AGMO: variants seen among roughly 807,000 people sequenced by gnomAD.
AGMO encodes the protein alkylglycerol monooxygenase.
In AGMO, 75 loss-of-function variants were observed where a neutral mutation model predicts 60.2. That is an observed-to-expected ratio of 1.25 (90% confidence interval 1.03 to 1.51). AGMO has a LOEUF of 1.51. Among genes scored for constraint, AGMO ranks in the 40% most tolerant of loss-of-function variants. The pLI is 0.00. For missense variants in AGMO, 763 were observed against 525.5 expected, an observed-to-expected ratio of 1.45 and a Z score of -4.42; for synonymous variants, 261 against 177.1, an observed-to-expected ratio of 1.47 and a Z score of -3.76.
At chr7:15,400,942 C>G (rs937795531) in intron 5 of AGMO, among the ~76,000 whole-genome samples, 17 of 152,016 alleles carry the variant, frequency 1.1e-4, no homozygotes, top group African/African-American at 4.1e-4. Flanking sequence ...TCCGCCCTAT[C>G]CTGCACTTAC....
At chr7:15,228,893 G>C (rs1191791496) in intron 12 of AGMO, among the ~76,000 whole-genome samples, 1 of 152,092 alleles carries the variant, frequency 6.6e-6, no homozygotes, top group African/African-American at 2.4e-5. Context: ...TATTTACGCA[G>C]TGGTCCAATC....
At chr7:15,120,160 T>C in the AGMO span, among the ~76,000 whole-genome samples, 2 of 152,086 alleles carry the variant, frequency 1.3e-5, no homozygotes, top group South Asian at 4.1e-4. Context: ...TCAATTTTTT[T>C]TAGATCTTTC....
chr7:15,367,371 C>T (rs1448017143), intron 10 of AGMO, among the ~76,000 whole-genome samples: 2 of 151,910 alleles, frequency 1.3e-5, no homozygotes, highest in Non-Finnish European at 2.9e-5. Flanking sequence ...TACTATTTTA[C>T]AGCTTCTATG....
intron 4 of AGMO, among the ~76,000 whole-genome samples, chr7:15,424,682 T>C (rs4431490): frequency 0.29 from 43,418 of 152,118 alleles, 7,070 homozygotes; most frequent in Non-Finnish European, 0.37. Flanking sequence ...TTAATGGACA[T>C]AAACTTTGTC....
intron 2 of AGMO, 136 bp from the exon 3 acceptor site, chr7:15,545,059 A>T: frequency 1.7e-6 from 1 of 578,576 alleles, no homozygotes; most frequent in Non-Finnish European, 2.6e-6. Context: ...TGTGTCTTCT[A>T]TGTCATTCCT....
intron 4 of AGMO, among the ~76,000 whole-genome samples, chr7:15,427,245 G>A (rs930884444): frequency 6.6e-5 from 10 of 152,102 alleles, no homozygotes; most frequent in Non-Finnish European, 1.3e-4. Flanking sequence ...CTGAGTATAA[G>A]CACGTACACA....
chr7:15,376,996 T>C (rs1783484400), intron 10 of AGMO, among the ~76,000 whole-genome samples: 1 of 152,142 alleles, frequency 6.6e-6, no homozygotes, highest in Non-Finnish European at 1.5e-5. Context: ...AGTAAGTATT[T>C]ATCTTCTCTA....
At chr7:15,138,427 T>C in the AGMO span, among the ~76,000 whole-genome samples, 4 of 152,320 alleles carry the variant, frequency 2.6e-5, no homozygotes, top group African/African-American at 9.6e-5. Flanking sequence ...TAAATCATAA[T>C]CCCGACATCC....
chr7:15,541,285 C>A (rs1784624178), intron 3 of AGMO, among the ~76,000 whole-genome samples: 1 of 151,926 alleles, frequency 6.6e-6, no homozygotes, highest in Admixed American at 6.6e-5. Flanking sequence ...ACCACACCTG[C>A]TAATTTTTGT....
chr7:15,198,162 G>A (rs1302152620), downstream of AGMO, among the ~76,000 whole-genome samples: 1 of 149,712 alleles, frequency 6.7e-6, no homozygotes, highest in Middle Eastern at 3.2e-3. Context: ...TAGAAGTGGT[G>A]AGTAATTGAC....
At chr7:15,394,511 T>C (rs1784291684) in intron 5 of AGMO, among the ~76,000 whole-genome samples, 1 of 152,176 alleles carries the variant, frequency 6.6e-6, no homozygotes, top group Non-Finnish European at 1.5e-5. Flanking sequence ...ATCTTTAAAA[T>C]GGAAATAGTA....
At chr7:15,375,271 C>T (rs191552579) in intron 10 of AGMO, among the ~76,000 whole-genome samples, 1 of 151,752 alleles carries the variant, frequency 6.6e-6, no homozygotes, top group South Asian at 2.1e-4. Flanking sequence ...TATTTTCTTA[C>T]TAAGAAACAA....
intron 5 of AGMO, among the ~76,000 whole-genome samples, chr7:15,402,352 C>T (rs1784572819): frequency 6.6e-6 from 1 of 150,436 alleles, no homozygotes. Context: ...TTTATTCTTT[C>T]ATCTATCTAT....
intron 12 of AGMO, among the ~76,000 whole-genome samples, chr7:15,327,947 T>A (rs78919562): frequency 0.014 from 2,034 of 146,514 alleles, 18 homozygotes; most frequent in Middle Eastern, 0.028. Flanking sequence ...AAAAAAAAAA[T>A]TTTTTTTTGG....
At chr7:15,402,259 C>T (rs1784568761) in intron 5 of AGMO, among the ~76,000 whole-genome samples, 1 of 151,814 alleles carries the variant, frequency 6.6e-6, no homozygotes, top group Admixed American at 6.6e-5. Flanking sequence ...TTTTCTTCTC[C>T]CACACCTCAC....
chr7:15,494,851 C>G (rs1783180828), intron 3 of AGMO, among the ~76,000 whole-genome samples: 1 of 152,224 alleles, frequency 6.6e-6, no homozygotes, highest in Non-Finnish European at 1.5e-5. Flanking sequence ...TTCTCTCTCG[C>G]AAGCCTGTTG....
intron 12 of AGMO, among the ~76,000 whole-genome samples, chr7:15,274,695 CTTT>C (rs549793677): frequency 7.4e-6 from 1 of 135,864 alleles, no homozygotes; most frequent in South Asian, 2.3e-4. Context: ...TGGTGATGGG[CTTT>C]TTTTTTTTTG....
intron 10 of AGMO, among the ~76,000 whole-genome samples, chr7:15,384,383 G>C (rs185419291): frequency 1.3e-5 from 2 of 152,208 alleles, no homozygotes; most frequent in African/African-American, 4.8e-5. Context: ...TATATGTTCA[G>C]TTGCCTCACT....
At chr7:15,465,074 T>C (rs958248076) in intron 3 of AGMO, among the ~76,000 whole-genome samples, 2 of 152,102 alleles carry the variant, frequency 1.3e-5, no homozygotes, top group Non-Finnish European at 2.9e-5. Flanking sequence ...GAGAAATTTA[T>C]TGTAGTAGTA....
Sources: allele counts gnomAD v4.1 joint callset (sites outside exome capture counted in the v4.1 genomes callset), GRCh38; gene constraint gnomAD v4.1.1; transcripts MANE v1.5; gene names NCBI Gene and HGNC (gene_info 2026-07-23, HGNC 2026-07-21).